Variants in CLVS1 observed in about 807,000 individuals in gnomAD.
CLVS1 encodes clavesin-1.
In CLVS1, 10 loss-of-function variants were observed where a neutral mutation model predicts 33.1. That is an observed-to-expected ratio of 0.30 (90% CI 0.19 to 0.51). The LOEUF is 0.51. Ranked by LOEUF, CLVS1 falls within the 20% of genes least tolerant of loss-of-function variation. The probability of loss-of-function intolerance (pLI) is 0.97; values close to 1 mark genes in which losing one functional copy is unlikely to be tolerated. For synonymous variants in CLVS1, 163 were observed against 166.1 expected (o/e 0.98, Z 0.14); for missense variants, 343 against 433.4 (o/e 0.79, Z 1.85).
intron 3 of CLVS1, among the ~76,000 whole-genome samples, chr8:61,448,781 T>C (rs930922934): frequency 6.6e-6 from 1 of 152,170 alleles, no homozygotes; most frequent in Non-Finnish European, 1.5e-5. Flanking sequence ...CCTATTTCCT[T>C]TCTAAAACTA....
chr8:61,497,003 A>G (rs1804288943), intron 5 of CLVS1, among the ~76,000 whole-genome samples: 1 of 152,218 alleles, frequency 6.6e-6, no homozygotes, highest in African/African-American at 2.4e-5. Context: ...ATATATGTCA[A>G]TGTAAATACA....
chr8:61,209,349 T>C (rs1807926383), intron 2 of CLVS1, among the ~76,000 whole-genome samples: 1 of 152,204 alleles, frequency 6.6e-6, no homozygotes, highest in South Asian at 2.1e-4. Context: ...TTCATTCTCA[T>C]AGAAAATGCT....
intron 1 of CLVS1, among the ~76,000 whole-genome samples, chr8:61,097,338 C>T (rs544797794): frequency 1.5e-4 from 22 of 149,666 alleles, no homozygotes; most frequent in African/African-American, 5.3e-4. Context: ...AAAAAATAAA[C>T]AAATAATAAA....
At chr8:61,062,250 C>A (rs1188230618) in intron 1 of CLVS1, among the ~76,000 whole-genome samples, 1 of 152,168 alleles carries the variant, frequency 6.6e-6, no homozygotes, top group Admixed American at 6.5e-5. Flanking sequence ...GTGAGTTTTG[C>A]CTTCTAAGAA....
At chr8:61,115,054 C>T (rs1585620060) in intron 1 of CLVS1, among the ~76,000 whole-genome samples, 2 of 152,334 alleles carry the variant, frequency 1.3e-5, no homozygotes, top group East Asian at 3.9e-4. Flanking sequence ...TTTTCCCCAG[C>T]AGACATTTTT....
intron 3 of CLVS1, among the ~76,000 whole-genome samples, chr8:61,403,670 G>A (rs927251388): frequency 1.3e-5 from 2 of 152,174 alleles, no homozygotes; most frequent in African/African-American, 4.8e-5. Context: ...AAAGGATGGG[G>A]ACAAGAGTGA....
intron 5 of CLVS1, among the ~76,000 whole-genome samples, chr8:61,498,303 A>AAAG (rs1183381535): frequency 1.3e-5 from 2 of 152,210 alleles, no homozygotes; most frequent in Non-Finnish European, 2.9e-5. Context: ...TCAGATATAC[A>AAAG]AAGATCTCCT....
the CLVS1 span, among the ~76,000 whole-genome samples, chr8:61,016,375 G>A: frequency 6.6e-5 from 10 of 152,330 alleles, no homozygotes; most frequent in East Asian, 1.2e-3. Context: ...TAACACAAAC[G>A]GGCTTAATCC....
intron 2 of CLVS1, among the ~76,000 whole-genome samples, chr8:61,365,754 GGTGTGT>G (rs35496931): frequency 9.4e-5 from 14 of 148,598 alleles, no homozygotes; most frequent in East Asian, 7.9e-4. Context: ...CAGTTTACAG[GGTGTGT>G]GTGTGTGTGT....
At chr8:61,211,600 C>T (rs930510779) in intron 2 of CLVS1, among the ~76,000 whole-genome samples, 1 of 152,228 alleles carries the variant, frequency 6.6e-6, no homozygotes, top group Non-Finnish European at 1.5e-5. Context: ...ATTTGCCACT[C>T]ACTGTGTGCC....
chr8:61,429,985 T>C (rs1481867158), intron 3 of CLVS1, among the ~76,000 whole-genome samples: 1 of 152,246 alleles, frequency 6.6e-6, no homozygotes, highest in Non-Finnish European at 1.5e-5. Flanking sequence ...CATGAGCTGC[T>C]GTTTTCTCTG....
At chr8:61,457,424 A>G (rs188603273) in intron 4 of CLVS1, among the ~76,000 whole-genome samples, 1 of 152,254 alleles carries the variant, frequency 6.6e-6, no homozygotes, top group African/African-American at 2.4e-5. Flanking sequence ...GTCAACTCCT[A>G]AATTGTAGTC....
chr8:61,011,022 C>G, the CLVS1 span, among the ~76,000 whole-genome samples: 1 of 152,228 alleles, frequency 6.6e-6, no homozygotes, highest in Admixed American at 6.5e-5. Context: ...ACATGCTTTT[C>G]CTTCCACGCC....
intron 2 of CLVS1, among the ~76,000 whole-genome samples, chr8:61,353,727 A>G (rs1399233085): frequency 6.7e-6 from 1 of 150,228 alleles, no homozygotes; most frequent in Non-Finnish European, 1.5e-5. Flanking sequence ...AGAATAAAAA[A>G]AAAAATAAAG....
In CLVS1 at chr8:61,080,641, A is replaced by G. The variant is rs1173037988; in HGVS notation, c.-243+23411A>G. ...ACTTGCTTTTGGTTAAATTAAAGAT[A>G]TATTTGTTGAGTAACTATTGTTTGC... is the stretch of plus-strand genomic sequence containing the variant. On this transcript the variant is annotated intron_variant, in intron 1 of 2. Transcript: ENST00000522621. Among the ~76,000 whole-genome samples, 49 of 152,246 alleles carry G rather than the reference A, an allele frequency of 3.2e-4. 2 individuals carry two copies. Among genetic ancestry groups the G allele is most frequent in the Non-Finnish European group, 1.5e-5 (1 of 68,038 alleles).
At chr8:61,088,487 C>CAA (rs59394782) in intron 1 of CLVS1, among the ~76,000 whole-genome samples, 2 of 105,304 alleles carry the variant, frequency 1.9e-5, no homozygotes, top group African/African-American at 3.1e-5. Flanking sequence ...GAGACTGTCT[C>CAA]AAAAAAAAAA....
chr8:61,049,906 A>ATT, the CLVS1 span, among the ~76,000 whole-genome samples: 1 of 152,232 alleles, frequency 6.6e-6, no homozygotes, highest in Non-Finnish European at 1.5e-5. Flanking sequence ...AGCTGCAACA[A>ATT]TGGCAATCCT....
At chr8:61,183,302 A>G (rs1807278348) in intron 2 of CLVS1, among the ~76,000 whole-genome samples, 1 of 152,236 alleles carries the variant, frequency 6.6e-6, no homozygotes, top group Non-Finnish European at 1.5e-5. Context: ...CTGCACATGT[A>G]TCCCAGAACT....
intron 3 of CLVS1, among the ~76,000 whole-genome samples, chr8:61,453,278 C>T (rs1817028529): frequency 6.6e-6 from 1 of 151,978 alleles, no homozygotes; most frequent in South Asian, 2.1e-4. Flanking sequence ...ATAAGACTAG[C>T]TCAGACTTTC....
Sources: gnomAD v4.1 joint callset for allele counts (sites outside exome capture counted in the v4.1 genomes callset) on GRCh38, gnomAD v4.1.1 for gene constraint, MANE v1.5 for transcripts, NCBI Gene and HGNC (gene_info 2026-07-23, HGNC 2026-07-21) for gene names.